HECW1: variants seen among roughly 807,000 people sequenced by gnomAD.
HECW1 encodes the protein E3 ubiquitin-protein ligase HECW1.
A neutral mutation model predicts 182.3 loss-of-function variants in HECW1; 61 were observed. That is an observed-to-expected ratio of 0.33 (90% CI 0.27 to 0.41). HECW1 has a LOEUF of 0.41. Ranked by LOEUF, HECW1 falls within the 10% of genes least tolerant of loss-of-function variation. The pLI is 1.00. For missense variants in HECW1, 1,739 were observed against 2,108.9 expected, an observed-to-expected ratio of 0.82 and a Z score of 3.44; for synonymous variants, 859 against 832.6, an observed-to-expected ratio of 1.03 and a Z score of -0.55.
chr7:43,199,813 A>G (rs1452695039), intron 2 of HECW1, among the ~76,000 whole-genome samples: 1 of 152,108 alleles, frequency 6.6e-6, no homozygotes, highest in Non-Finnish European at 1.5e-5. Flanking sequence ...AATGAGTGCT[A>G]TTTCCTGTTA....
At chr7:43,305,392 A>G (rs1807417708) in intron 3 of HECW1, among the ~76,000 whole-genome samples, 1 of 101,918 alleles carries the variant, frequency 9.8e-6, no homozygotes, top group Non-Finnish European at 1.7e-5. Flanking sequence ...CTGAATCTCA[A>G]TTACTGCAAT....
At position 43,444,396 on chromosome 7, in the gene HECW1, A is replaced by G; in HGVS notation, c.1224A>G (p.Gln408=). The G allele has an allele frequency of 6.2e-7, 1 of 1,614,046 alleles. No homozygotes were observed. The highest frequency in any genetic ancestry group is 8.5e-7 in the Non-Finnish European group (1 of 1,179,978). Residue 408 remains glutamine, a synonymous_variant, in exon 11 of 30, where the codon CAA becomes CAG. Transcript: ENST00000395891. This position sits in a 1 kb window ranked among gnomAD's most constrained non-coding sequence, Gnocchi z 4.3. ...EGSVPDGPGN[Q]SIELSRPAEE... is the part of the protein sequence containing the mutation. ...GTGTCCCCGATGGTCCAGGGAACCA[A>G]AGCATAGAGCTTTCCAGACCAGCTG... is the stretch of plus-strand genomic sequence containing the variant.
chr7:43,311,674 C>A, intron 3 of HECW1, 89 bp from the exon 4 acceptor site: 1 of 1,204,126 alleles, frequency 8.3e-7, no homozygotes, highest in Non-Finnish European at 1.2e-6. Flanking sequence ...CAGCGCGTGT[C>A]TCCCAGCACA....
At chr7:43,308,135 A>ATATATTATATTATATATTATATATT (rs1807924238) in intron 3 of HECW1, among the ~76,000 whole-genome samples, 1 of 104,368 alleles carries the variant, frequency 9.6e-6, no homozygotes, top group African/African-American at 4.0e-5. Flanking sequence ...TTTATATATA[A>ATATATTATATTATATATTATATATT]TATATTATAT....
intron 3 of HECW1, among the ~76,000 whole-genome samples, chr7:43,303,813 C>T (rs1807174662): frequency 6.6e-6 from 1 of 152,024 alleles, no homozygotes; most frequent in Admixed American, 6.6e-5. Context: ...ACTCTCCTCC[C>T]TTACACCTGA....
chr7:43,504,149 C>T (rs1050176769), intron 21 of HECW1, among the ~76,000 whole-genome samples: 1 of 152,212 alleles, frequency 6.6e-6, no homozygotes, highest in Admixed American at 6.5e-5. Context: ...CCTTCCCAAG[C>T]AGGTCCTTCC....
In HECW1 at chr7:43,458,910, T is replaced by C. The variant is rs535065870; in HGVS notation, c.2651+2463T>C. On this transcript the variant is annotated intron_variant, in intron 13 of 29. Coordinates refer to ENST00000395891, the MANE Select transcript of HECW1 (RefSeq NM_015052.5). ...ACCAGATGATTGTGAAAATCAAATGTGTTTGTGCAAGGAGACATAAAACTA... is the reference window on the plus strand; with the variant it reads ...ACCAGATGATTGTGAAAATCAAATGCGTTTGTGCAAGGAGACATAAAACTA... 3.3e-5 allele frequency among the ~76,000 whole-genome samples: 5 copies of C among 152,360 alleles called. No individual in the cohort carries two copies. The South Asian group carries it at 8.3e-4, about 25-fold the overall frequency.
intron 17 of HECW1, among the ~76,000 whole-genome samples, chr7:43,485,677 G>A (rs1417051194): frequency 6.6e-6 from 1 of 152,062 alleles, no homozygotes; most frequent in Admixed American, 6.5e-5. Context: ...CATAGAAAAG[G>A]TAAAGTAAAA....
Position 43,216,572 on chromosome 7 carries a change from G to T in HECW1, c.-31-27303G>T, listed in dbSNP as rs1401984652. On this transcript the variant is annotated intron_variant, in intron 2 of 29. Transcript: ENST00000395891. ...TAAGCTGAAGATGTTGCCTGGTACT[G>T]CTCCCCAGATGCCGTGTTAGCCCCA... 3.9e-5 allele frequency among the ~76,000 whole-genome samples: 6 copies of T among 152,226 alleles called. No individual in the cohort carries two copies. The East Asian group carries it at 1.2e-3, about 29-fold the overall frequency.
intron 6 of HECW1, among the ~76,000 whole-genome samples, chr7:43,365,456 C>G (rs1226570446): frequency 7.0e-3 from 1 of 142 alleles, no homozygotes; most frequent in East Asian, 0.17. Flanking sequence ...CATGACATTC[C>G]CACCCGTGTG....
rs915058481 is a variant in HECW1 at position 43,367,532 on chromosome 7, C to G, written c.555+6552C>G. Among the ~76,000 whole-genome samples, 7 of 152,090 alleles carry G rather than the reference C, an allele frequency of 4.6e-5. No individual in the cohort carries two copies. In the East Asian group the frequency reaches 5.8e-4, roughly 13 times the overall value. ...TTTCTTAGAGGAGAATTTAAGAAAGCATTTTGATTTGTAGGAGCTATAGAT... is the reference window on the plus strand; with the variant it reads ...TTTCTTAGAGGAGAATTTAAGAAAGGATTTTGATTTGTAGGAGCTATAGAT... On this transcript the variant is annotated intron_variant, in intron 6 of 29. Transcript: ENST00000395891.
At chr7:43,457,966 C>T (rs77267545) in intron 13 of HECW1, among the ~76,000 whole-genome samples, 2 of 152,128 alleles carry the variant, frequency 1.3e-5, no homozygotes, top group East Asian at 3.8e-4. Context: ...TTAACAAAAA[C>T]CATAAAAGAC....
At position 43,508,003 on chromosome 7, in the gene HECW1, C is replaced by T; in HGVS notation, c.3753-15C>T. On this transcript the variant is annotated splice_polypyrimidine_tract_variant and intron_variant, in intron 22 of 29. Coordinates refer to ENST00000395891, the MANE Select transcript of HECW1 (RefSeq NM_015052.5). ...GACTTCAGGGCCACTGCTCACCACC[C>T]CTTCTCCTTCTCAGGCTCATTATTC... is the stretch of plus-strand genomic sequence containing the variant. The T allele has an allele frequency of 1.3e-6, 2 of 1,591,686 alleles. No homozygotes were observed. The highest frequency in any genetic ancestry group is 1.1e-5 in the South Asian group (1 of 90,538).
chr7:43,523,848 C>T lies in HECW1; in HGVS notation c.4019+14727C>T, dbSNP rs561487344. On this transcript the variant is annotated intron_variant, in intron 24 of 29. Transcript: ENST00000395891. ...AGGCAAGGATGCATGTGCCTGCAGG[C>T]GGTGGTGTGAGAGGAGGCCAAGTGG... Among the ~76,000 whole-genome samples the T allele has an allele frequency of 5.3e-5, 8 of 152,106 alleles. No homozygotes were observed. The East Asian group carries it at 1.4e-3, about 26-fold the overall frequency.
chr7:43,227,728 G>A (rs1180753038), intron 2 of HECW1, among the ~76,000 whole-genome samples: 2 of 152,184 alleles, frequency 1.3e-5, no homozygotes, highest in East Asian at 1.9e-4. Flanking sequence ...CATTTCAAGA[G>A]GGCAAAGAAG....
intron 24 of HECW1, among the ~76,000 whole-genome samples, chr7:43,518,097 G>A (rs1318701467): frequency 6.6e-6 from 1 of 152,188 alleles, no homozygotes; most frequent in East Asian, 1.9e-4. Flanking sequence ...TTATGCATAT[G>A]CTAGAACATA....
intron 4 of HECW1, among the ~76,000 whole-genome samples, chr7:43,316,769 T>TCTCTCCTCCCCTCATCCCCTCCCCTC (rs1809328467): frequency 5.8e-5 from 1 of 17,170 alleles, no homozygotes; most frequent in African/African-American, 5.9e-4. Flanking sequence ...CCTCCCCTTT[T>TCTCTCCTCCCCTCATCCCCTCCCCTC]CTCTCCTCCC....
intron 3 of HECW1, among the ~76,000 whole-genome samples, chr7:43,283,203 G>A (rs1233339950): frequency 1.3e-5 from 2 of 151,836 alleles, no homozygotes; most frequent in African/African-American, 4.8e-5. Flanking sequence ...CCTTCAGTAA[G>A]GTCTGTAAGG....
At chr7:43,271,814 A>G (rs1212978103) in intron 3 of HECW1, among the ~76,000 whole-genome samples, 2 of 152,168 alleles carry the variant, frequency 1.3e-5, no homozygotes, top group Non-Finnish European at 2.9e-5. Flanking sequence ...TTATCAAACT[A>G]TCAGTGTCAT....
Sources: gnomAD v4.1 joint callset for allele counts (sites outside exome capture counted in the v4.1 genomes callset) on GRCh38, gnomAD v4.1.1 for gene constraint, Gnocchi (gnomAD v3.1) non-coding constraint, MANE v1.5 for transcripts, NCBI Gene and HGNC (gene_info 2026-07-23, HGNC 2026-07-21) for gene names.